CNTRL: variants seen among roughly 807,000 people sequenced by gnomAD.
CNTRL encodes the protein 110 kDa centrosomal protein.
In CNTRL, 233 loss-of-function variants were observed where a neutral mutation model predicts 303.7. That is an observed-to-expected ratio of 0.77 (90% CI 0.69 to 0.86). The LOEUF is 0.86. CNTRL is among the 40% of genes least tolerant of loss of function. The pLI is 0.00. For synonymous variants in CNTRL, 900 were observed against 922.2 expected, an observed-to-expected ratio of 0.98 and a Z score of 0.44; for missense variants, 2,524 against 2,650.6, an observed-to-expected ratio of 0.95 and a Z score of 1.05.
chr9:121,077,308 G>A (rs2047964352), intron 1 of CNTRL, among the ~76,000 whole-genome samples: 1 of 150,352 alleles, frequency 6.7e-6, no homozygotes, highest in Non-Finnish European at 1.5e-5. Flanking sequence ...TCCATTGCTT[G>A]CTTGGTCTTT....
At position 121,135,977 on chromosome 9, in the gene CNTRL, A is replaced by C; in HGVS notation, c.2197A>C (p.Thr733Pro). ...AGAGTTGGAAAAAGTAACAAGACTT[A>C]CCCAGGTAAGTAGGAGCATGAAGCC... ...KEELEKVTRL[T>P]QLEQSALQAE... Residue 733 changes from threonine to proline, a missense_variant, in exon 15 of 44, where the codon ACC (threonine) becomes CCC (proline). By Grantham distance (38) the Thr-to-Pro change is conservative. Coordinates refer to ENST00000373855, the MANE Select transcript of CNTRL (RefSeq NM_007018.6). 6.2e-7 allele frequency: 1 copy of C among 1,602,140 alleles called. No homozygotes were observed.
chr9:121,147,602 G>A (rs987378396), intron 23 of CNTRL, among the ~76,000 whole-genome samples: 3 of 152,112 alleles, frequency 2.0e-5, no homozygotes, highest in African/African-American at 7.2e-5. Flanking sequence ...CTGAATGTGG[G>A]AAGTGAGGAG....
intron 34 of CNTRL, 97 bp downstream of exon 34, chr9:121,162,368 A>C: frequency 1.0e-6 from 1 of 998,968 alleles, no homozygotes; most frequent in Non-Finnish European, 1.6e-6. Context: ...AAAAAGATAA[A>C]ATACACCACA....
At chr9:121,102,798 A>G (rs1172437825) in intron 7 of CNTRL, among the ~76,000 whole-genome samples, 1 of 152,214 alleles carries the variant, frequency 6.6e-6, no homozygotes, top group Non-Finnish European at 1.5e-5. Flanking sequence ...CCCATTCACA[A>G]TTGCTTCAAA....
chr9:121,168,519 C>T (rs2053181761), intron 38 of CNTRL, among the ~76,000 whole-genome samples, 198 bp downstream of exon 38: 1 of 152,174 alleles, frequency 6.6e-6, no homozygotes, highest in Non-Finnish European at 1.5e-5. Flanking sequence ...GACTGACCAG[C>T]AAGTCCTTCC....
At chr9:121,134,377 G>A (rs996826688) in intron 14 of CNTRL, among the ~76,000 whole-genome samples, 10 of 149,660 alleles carry the variant, frequency 6.7e-5, no homozygotes, top group African/African-American at 2.5e-4. Flanking sequence ...TGCAACCTCC[G>A]CCTCCCAGGT....
chr9:121,109,016 A>G (rs1227445254), intron 8 of CNTRL, among the ~76,000 whole-genome samples: 1 of 152,176 alleles, frequency 6.6e-6, no homozygotes, highest in African/African-American at 2.4e-5. Flanking sequence ...ATGTTACTGT[A>G]TACAGTTATT....
intron 26 of CNTRL, among the ~76,000 whole-genome samples, chr9:121,153,976 CT>C (rs2052427810): frequency 2.0e-5 from 3 of 152,072 alleles, no homozygotes; most frequent in Non-Finnish European, 4.4e-5. Context: ...AATTTTTTTA[CT>C]TTGAGGTATT....
chr9:121,123,887 G>T (rs1269916827), intron 12 of CNTRL, 44 bp from the exon 13 acceptor site: 5 of 1,487,868 alleles, frequency 3.4e-6, no homozygotes, highest in East Asian at 4.7e-5. Context: ...TTTTAAAGGA[G>T]TTTAAGGAAC....
At chr9:121,091,207 CTTCA>C (rs1588067093) in intron 4 of CNTRL, among the ~76,000 whole-genome samples, 2 of 152,254 alleles carry the variant, frequency 1.3e-5, no homozygotes, top group East Asian at 3.9e-4. Flanking sequence ...GTGTTTACAG[CTTCA>C]TTCATAAACT....
At chr9:121,083,612 T>TA (rs1258535291) in intron 2 of CNTRL, among the ~76,000 whole-genome samples, 1 of 152,184 alleles carries the variant, frequency 6.6e-6, no homozygotes, top group Admixed American at 6.5e-5. Flanking sequence ...AACTATTTTT[T>TA]AAAAAATAAA....
rs1320303899 is a variant in CNTRL, at chr9:121,152,678, A to G, written c.4157A>G (p.Lys1386Arg). 1 of 1,608,528 alleles carries G rather than the reference A, an allele frequency of 6.2e-7. No individual in the cohort carries two copies. The highest frequency in any genetic ancestry group is 1.3e-5 in the African/African-American group (1 of 74,650). The change falls in exon 26 of 44, where the codon AAA becomes AGA. Residue 1386 changes from lysine to arginine, a missense_variant. Transcript: ENST00000373855. ...EVEELHRTVQ[K>R]RQQQKDFIDG... ...GAAGAATTACATAGAACTGTCCAGAAACGTCAACAGCAAAAGTAATTAATA... is the reference window on the plus strand; with the variant it reads ...GAAGAATTACATAGAACTGTCCAGAGACGTCAACAGCAAAAGTAATTAATA...
intron 42 of CNTRL, 124 bp downstream of exon 42, chr9:121,173,861 G>T: frequency 2.2e-6 from 2 of 898,570 alleles, no homozygotes; most frequent in South Asian, 1.4e-5. Context: ...AGCAGTGTCA[G>T]GGATGGCATG....
chr9:121,154,866 C>T lies in CNTRL; in HGVS notation c.4318C>T (p.Arg1440Ter), dbSNP rs781180831. The T allele has an allele frequency of 5.6e-6, 9 of 1,613,988 alleles. No homozygotes were observed. The highest frequency in any genetic ancestry group is 2.2e-5 in the East Asian group (1 of 44,902). Reference protein sequence around the residue: ...KRRSELREADRLLAEAESELS... With the variant: ...KRRSELREAD Reference sequence around the variant, plus strand: ...TCGCTCAGAGCTCAGGGAAGCTGACCGACTCCTGGCAGAGGCTGAGAGTGA... The same window carrying T: ...TCGCTCAGAGCTCAGGGAAGCTGACTGACTCCTGGCAGAGGCTGAGAGTGA... Residue 1440 changes from arginine to a stop codon, truncating the protein, a stop_gained, in exon 27 of 44, where the codon CGA becomes TGA. Coordinates refer to ENST00000373855, the MANE Select transcript of CNTRL (RefSeq NM_007018.6). LOFTEE classifies it high-confidence loss of function.
chr9:121,119,599 G>A (rs1403449954), intron 12 of CNTRL, among the ~76,000 whole-genome samples: 3 of 148,430 alleles, frequency 2.0e-5, no homozygotes, highest in Admixed American at 6.7e-5. Flanking sequence ...CTGCCGAAGC[G>A]ATTCTCCTGC....
At chr9:121,124,689 G>C (rs1409488930) in intron 13 of CNTRL, among the ~76,000 whole-genome samples, 1 of 150,980 alleles carries the variant, frequency 6.6e-6, no homozygotes, top group Non-Finnish European at 1.5e-5. Context: ...TGTAATCCTA[G>C]CACTTTGGGA....
chr9:121,126,701 A>G (rs531976132), intron 14 of CNTRL, among the ~76,000 whole-genome samples: 2 of 152,330 alleles, frequency 1.3e-5, no homozygotes, highest in East Asian at 3.8e-4. Context: ...TTTATTATAT[A>G]TGTAAACATC....
rs1187639550 is a variant in CNTRL, at chr9:121,098,417, A to C, written c.653A>C (p.Gln218Pro). 6 of 1,612,830 alleles carry C rather than the reference A, an allele frequency of 3.7e-6. No individual in the cohort carries two copies. The highest frequency in any genetic ancestry group is 5.1e-6 in the Non-Finnish European group (6 of 1,179,196). ...GATATAAGCAAGTTGAAACCGCTTC[A>C]AGATTTGATTTCTCTGATCCTAGTT... ...LQDISKLKPL[Q>P]DLISLILVEN... is the part of the protein sequence containing the mutation. Residue 218 changes from glutamine to proline, a missense_variant, in exon 7 of 44, where the codon CAA becomes CCA. Coordinates refer to ENST00000373855, the MANE Select transcript of CNTRL (RefSeq NM_007018.6).
At chr9:121,174,954 A>G in intron 42 of CNTRL, 64 bp from the exon 43 acceptor site, 3 of 1,414,612 alleles carry the variant, frequency 2.1e-6, no homozygotes, top group South Asian at 2.3e-5. Context: ...TATGTGAGGA[A>G]GCTGAGCGGC....
Sources: allele counts gnomAD v4.1 joint callset (sites outside exome capture counted in the v4.1 genomes callset), GRCh38; gene constraint gnomAD v4.1.1; transcripts MANE v1.5; gene names NCBI Gene and HGNC (gene_info 2026-07-23, HGNC 2026-07-21).